Variants in KCNIP4 observed in about 807,000 individuals in gnomAD.
KCNIP4 encodes Kv channel-interacting protein 4.
KCNIP4 carries 12 observed loss-of-function variants against 34.0 expected under a neutral mutation model. The ratio of observed to expected loss-of-function variants is 0.35; its 90% CI spans 0.23 to 0.57. KCNIP4 has a LOEUF of 0.57. Ranked by LOEUF, KCNIP4 falls within the 20% of genes least tolerant of loss-of-function variation. The pLI is 0.83. For synonymous variants in KCNIP4, 124 were observed against 102.2 expected, an observed-to-expected ratio of 1.21 and a Z score of -1.29; for missense variants, 238 against 311.7, an observed-to-expected ratio of 0.76 and a Z score of 1.78.
At chr4:20,764,645 C>A (rs374154583) in intron 3 of KCNIP4, among the ~76,000 whole-genome samples, 15 of 150,220 alleles carry the variant, frequency 1.0e-4, no homozygotes, top group Admixed American at 4.7e-4. Flanking sequence ...AGTCTCACAC[C>A]GAGAGGAGCT....
intron 1 of KCNIP4, among the ~76,000 whole-genome samples, chr4:21,511,005 C>T (rs1406157419): frequency 1.3e-5 from 2 of 152,086 alleles, no homozygotes; most frequent in African/African-American, 4.8e-5. Context: ...GATTGTTCCA[C>T]TGCACTCCAG....
At chr4:21,820,283 GTGTA>G (rs1185087430) in intron 1 of KCNIP4, among the ~76,000 whole-genome samples, 2,213 of 127,196 alleles carry the variant, frequency 0.017, 38 homozygotes, top group East Asian at 0.11. Flanking sequence ...ATGTGTGTGT[GTGTA>G]TATATATATA....
At position 21,639,970 on chromosome 4, in the gene KCNIP4, C is replaced by T. The variant is rs1426115147; in HGVS notation, c.61+308601G>A. On this transcript the variant is annotated intron_variant, in intron 1 of 8. Transcript: ENST00000382152. ...AGTTTAGAGTCAATGTCTAATAGTC[C>T]CCAAAGGTTCTGATTATTTCCTTTT... 2.6e-5 allele frequency among the ~76,000 whole-genome samples: 4 copies of T among 152,072 alleles called. No individual in the cohort carries two copies. The East Asian group carries it at 7.7e-4, about 29-fold the overall frequency.
chr4:20,900,068 AT>A (rs888847096), intron 1 of KCNIP4, among the ~76,000 whole-genome samples: 11 of 152,148 alleles, frequency 7.2e-5, no homozygotes, highest in African/African-American at 2.4e-4. Context: ...GCATAAAATA[AT>A]CTTAAAAATG....
intron 1 of KCNIP4, among the ~76,000 whole-genome samples, chr4:20,948,979 C>T (rs543381073): frequency 6.6e-6 from 1 of 152,106 alleles, no homozygotes; most frequent in Non-Finnish European, 1.5e-5. Flanking sequence ...GGAATCCCTG[C>T]CACCCCTTTT....
At chr4:21,392,101 G>A (rs1472166183) in intron 1 of KCNIP4, among the ~76,000 whole-genome samples, 2 of 152,136 alleles carry the variant, frequency 1.3e-5, no homozygotes, top group Non-Finnish European at 2.9e-5. Flanking sequence ...CATCTTGCAG[G>A]AGATAGACTC....
chr4:20,841,886 T>C (rs1055112681), intron 3 of KCNIP4, among the ~76,000 whole-genome samples: 1 of 152,152 alleles, frequency 6.6e-6, no homozygotes, highest in Non-Finnish European at 1.5e-5. Context: ...TTTTGGGTTG[T>C]TCTTTATGCC....
chr4:21,126,204 T>C (rs966480765), intron 1 of KCNIP4, among the ~76,000 whole-genome samples: 12 of 152,200 alleles, frequency 7.9e-5, no homozygotes, highest in African/African-American at 2.7e-4. Flanking sequence ...TATTATGTTA[T>C]ACAAATTAAG....
At chr4:20,860,813 T>C (rs1722114858) in intron 2 of KCNIP4, among the ~76,000 whole-genome samples, 1 of 152,168 alleles carries the variant, frequency 6.6e-6, no homozygotes. Flanking sequence ...TAGATGCTAT[T>C]CCTGAGAACT....
At position 21,247,820 on chromosome 4, in the gene KCNIP4, T is replaced by TATATATATAC. The variant is rs767314805; in HGVS notation, c.62-365112_62-365111insGTATATATAT. 5.2e-3 allele frequency among the ~76,000 whole-genome samples: 525 copies of TATATATATAC among 101,146 alleles called. 19 individuals are homozygous for TATATATATAC. The highest frequency in any genetic ancestry group is 0.018 in the African/African-American group (410 of 22,352). The allele number at this position is 101,146 out of a possible 152,430, so 66.4% of individuals were successfully genotyped here. On this transcript the variant is annotated intron_variant, in intron 1 of 8. Coordinates refer to ENST00000382152, the MANE Select transcript of KCNIP4 (RefSeq NM_025221.6). ...AGGTGGATATATATATATATATATA[T>TATATATATAC]ACACACACACACAGACACCACAGGT...
intron 1 of KCNIP4, among the ~76,000 whole-genome samples, chr4:21,035,225 G>T (rs565990960): frequency 6.6e-6 from 1 of 152,254 alleles, no homozygotes; most frequent in African/African-American, 2.4e-5. Context: ...TGCCTTTGAT[G>T]ATTTTGTCAG....
rs997355158 is a variant in KCNIP4 at position 21,670,510 on chromosome 4, A to G, written c.61+278061T>C. Among the ~76,000 whole-genome samples, 6 of 152,010 alleles carry G rather than the reference A, an allele frequency of 3.9e-5. 1 individual carries two copies. The highest frequency in any genetic ancestry group is 6.5e-5 in the Admixed American group (1 of 15,278). ...TGAGTGCAGCGCACCAGCATGGCAC[A>G]TGTATACATATGTAACTAACCTGCA... On this transcript the variant is annotated intron_variant, in intron 1 of 8. Transcript: ENST00000382152.
intron 1 of KCNIP4, among the ~76,000 whole-genome samples, chr4:21,125,683 A>G (rs1289501534): frequency 6.6e-6 from 1 of 152,164 alleles, no homozygotes; most frequent in African/African-American, 2.4e-5. Context: ...AAAGGATGGC[A>G]ATGAGACTTT....
intron 1 of KCNIP4, among the ~76,000 whole-genome samples, chr4:21,693,592 T>C (rs887954641): frequency 2.6e-5 from 4 of 152,052 alleles, no homozygotes; most frequent in African/African-American, 9.7e-5. Flanking sequence ...AATAAGTCTT[T>C]ATATGACTAG....
At chr4:21,752,228 C>G (rs1303133818) in intron 1 of KCNIP4, among the ~76,000 whole-genome samples, 1 of 152,060 alleles carries the variant, frequency 6.6e-6, no homozygotes, top group Non-Finnish European at 1.5e-5. Flanking sequence ...AAAGAAATAT[C>G]AGAGACTGGG....
intron 1 of KCNIP4, among the ~76,000 whole-genome samples, chr4:21,675,266 T>C (rs1749801587): frequency 6.6e-6 from 1 of 152,050 alleles, no homozygotes; most frequent in Admixed American, 6.6e-5. Flanking sequence ...CTCATGGATA[T>C]AGAGAGTAGA....
intron 1 of KCNIP4, among the ~76,000 whole-genome samples, chr4:21,822,607 G>A (rs1722422608): frequency 6.6e-6 from 1 of 152,032 alleles, no homozygotes; most frequent in African/African-American, 2.4e-5. Context: ...TTATAAAGCG[G>A]TAGAGATTAT....
chr4:21,356,128 T>C (rs1236953492), intron 1 of KCNIP4, among the ~76,000 whole-genome samples: 1 of 152,172 alleles, frequency 6.6e-6, no homozygotes, highest in African/African-American at 2.4e-5. Context: ...CAGCCCTTCA[T>C]GCTAAAAACT....
chr4:21,547,244 C>T (rs913033256), intron 1 of KCNIP4, among the ~76,000 whole-genome samples: 1 of 152,060 alleles, frequency 6.6e-6, no homozygotes, highest in South Asian at 2.1e-4. Context: ...ATTGCAAGCC[C>T]ACTGTGTTTT....
Sources: gnomAD v4.1 joint callset for allele counts (sites outside exome capture counted in the v4.1 genomes callset) on GRCh38, gnomAD v4.1.1 for gene constraint, MANE v1.5 for transcripts, NCBI Gene and HGNC (gene_info 2026-07-23, HGNC 2026-07-21) for gene names.